The following PXDNL variants were observed in gnomAD, a reference collection of about 807,000 sequenced individuals.
PXDNL encodes peroxidasin like.
PXDNL carries 145 observed loss-of-function variants against 150.8 expected under a neutral mutation model. The observed-to-expected ratio is 0.96, with a 90% CI of 0.84 to 1.10. PXDNL has a LOEUF of 1.10. PXDNL is among the 50% of genes least tolerant of loss of function. The pLI, the probability that PXDNL is intolerant of heterozygous loss-of-function variation, is 0.00. For synonymous variants in PXDNL, 757 were observed against 725.7 expected (o/e 1.04, Z -0.69); for missense variants, 2,087 against 1,873.9 (o/e 1.11, Z -2.10).
chr8:51,606,519 C>G (rs767633764), intron 2 of PXDNL, among the ~76,000 whole-genome samples: 1 of 152,156 alleles, frequency 6.6e-6, no homozygotes, highest in African/African-American at 2.4e-5. Context: ...CTATAAAGTT[C>G]TTTAACCAAA....
At chr8:51,406,549 G>C (rs920251560) in intron 17 of PXDNL, among the ~76,000 whole-genome samples, 1 of 152,078 alleles carries the variant, frequency 6.6e-6, no homozygotes, top group African/African-American at 2.4e-5. Flanking sequence ...TTACCTCTTT[G>C]TTCTCTCCTC....
At chr8:51,533,524 C>T (rs868624697) in intron 4 of PXDNL, among the ~76,000 whole-genome samples, 1 of 139,006 alleles carries the variant, frequency 7.2e-6, no homozygotes, top group South Asian at 2.4e-4. Flanking sequence ...TCTCCCTCCA[C>T]GGTCTCCCTC....
intron 1 of PXDNL, among the ~76,000 whole-genome samples, chr8:51,757,969 A>C (rs550927322): frequency 3.8e-3 from 586 of 152,340 alleles, no homozygotes; most frequent in Middle Eastern, 6.8e-3. Context: ...TCTCATGAAA[A>C]TACCAATTAA....
chr8:51,363,281 A>G (rs984986055), intron 19 of PXDNL, among the ~76,000 whole-genome samples: 2 of 152,142 alleles, frequency 1.3e-5, no homozygotes, highest in African/African-American at 4.8e-5. Flanking sequence ...TAGGGAAGGT[A>G]CCTGGGGGAA....
chr8:51,464,710 G>A (rs978993371), intron 8 of PXDNL, among the ~76,000 whole-genome samples: 1 of 152,116 alleles, frequency 6.6e-6, no homozygotes, highest in Admixed American at 6.5e-5. Context: ...ACACACCAGG[G>A]CCTGTCGCGG....
intron 1 of PXDNL, among the ~76,000 whole-genome samples, chr8:51,727,481 G>A (rs1236571038): frequency 6.6e-6 from 1 of 152,132 alleles, no homozygotes; most frequent in Non-Finnish European, 1.5e-5. Flanking sequence ...ATTGTCTACT[G>A]TTGCAGGATC....
At position 51,346,189 on chromosome 8, in the gene PXDNL, A is replaced by C. The variant is rs986259277; in HGVS notation, c.3902-242T>G. On this transcript the variant is annotated intron_variant, in intron 19 of 22. Transcript: ENST00000356297. ...GCAAGTGGGATGCAAGGCAGTCTGC[A>C]GAACCTCTGGAGGAGCCCCAGGCAG... 3.3e-5 allele frequency among the ~76,000 whole-genome samples: 5 copies of C among 152,230 alleles called. No individual in the cohort carries two copies. In the South Asian group the frequency reaches 1.0e-3, roughly 32 times the overall value.
intron 1 of PXDNL, among the ~76,000 whole-genome samples, chr8:51,706,454 T>C (rs1232691068): frequency 6.6e-6 from 1 of 152,200 alleles, no homozygotes; most frequent in African/African-American, 2.4e-5. Context: ...GAACACCCAA[T>C]GCAAATTGGA....
intron 3 of PXDNL, among the ~76,000 whole-genome samples, chr8:51,582,148 T>C (rs544244862): frequency 4.6e-5 from 7 of 152,288 alleles, no homozygotes; most frequent in Admixed American, 3.3e-4. Context: ...TATTTGGAGA[T>C]AGGACTTTTA....
At chr8:51,396,555 C>T (rs987576021) in intron 17 of PXDNL, among the ~76,000 whole-genome samples, 7 of 152,218 alleles carry the variant, frequency 4.6e-5, no homozygotes, top group Non-Finnish European at 7.4e-5. Context: ...TCGGGAGTTC[C>T]AGACCAGCCT....
chr8:51,328,847 A>T (rs1473142700), intron 21 of PXDNL, among the ~76,000 whole-genome samples: 2 of 152,174 alleles, frequency 1.3e-5, no homozygotes, highest in African/African-American at 4.8e-5. Flanking sequence ...AGGGGAAGAT[A>T]TCCTTCATGA....
intron 2 of PXDNL, among the ~76,000 whole-genome samples, chr8:51,638,065 G>C (rs1232065711): frequency 5.3e-5 from 8 of 152,162 alleles, no homozygotes; most frequent in Non-Finnish European, 7.3e-5. Context: ...TTAAAGAAAA[G>C]AATTTTCAAC....
intron 8 of PXDNL, among the ~76,000 whole-genome samples, chr8:51,461,519 A>T (rs1379913721): frequency 6.6e-6 from 1 of 151,924 alleles, no homozygotes; most frequent in Admixed American, 6.5e-5. Flanking sequence ...TGGGCAAAAA[A>T]CCCAAGCCGT....
rs1467419370 is a variant in PXDNL at position 51,569,049 on chromosome 8, T to C, written c.309-12138A>G. ...GTCTTTGGCACATTAATATAGTTGT[T>C]TGAAATTCCTGAGTGAGCATTCCAA... is the stretch of plus-strand genomic sequence containing the variant. On this transcript the variant is annotated intron_variant, in intron 3 of 22. Coordinates refer to ENST00000356297, the MANE Select transcript of PXDNL (RefSeq NM_144651.5). Among the ~76,000 whole-genome samples the C allele has an allele frequency of 2.6e-5, 4 of 152,080 alleles. No homozygotes were observed. In the East Asian group the frequency reaches 7.8e-4, roughly 30 times the overall value.
chr8:51,377,961 C>T lies in PXDNL; in HGVS notation c.3558-3230G>A, dbSNP rs554585957. Among the ~76,000 whole-genome samples the T allele has an allele frequency of 6.5e-4, 99 of 152,370 alleles. 1 individual carries two copies. Among genetic ancestry groups the T allele is most frequent in the African/African-American group, 2.3e-3 (95 of 41,584 alleles). On this transcript the variant is annotated intron_variant, in intron 17 of 22. Transcript: ENST00000356297. Reference sequence around the variant, plus strand: ...CACCTGCAGCCCCGTGCGGTATCCACTGGGTGAAGCCAGCTGGGCTCCTGA... The same window carrying T: ...CACCTGCAGCCCCGTGCGGTATCCATTGGGTGAAGCCAGCTGGGCTCCTGA...
chr8:51,400,659 C>G (rs1808221237), intron 17 of PXDNL, among the ~76,000 whole-genome samples: 1 of 152,074 alleles, frequency 6.6e-6, no homozygotes, highest in African/African-American at 2.4e-5. Context: ...TGTGTGTCTT[C>G]TGTGTTGCAG....
At chr8:51,722,150 G>A (rs4873583) in intron 1 of PXDNL, 19,519 of 163,558 alleles carry the variant, frequency 0.12, 2,307 homozygotes, top group African/African-American at 0.31. Context: ...CCTGGTTCAT[G>A]ATTGTTGCTT....
At chr8:51,588,443 T>C (rs1813374153) in intron 3 of PXDNL, among the ~76,000 whole-genome samples, 1 of 152,230 alleles carries the variant, frequency 6.6e-6, no homozygotes, top group Non-Finnish European at 1.5e-5. Flanking sequence ...GACTCTTTTT[T>C]CACTTAATAA....
intron 19 of PXDNL, among the ~76,000 whole-genome samples, chr8:51,352,589 AC>A (rs1045627263): frequency 1.3e-5 from 2 of 152,074 alleles, no homozygotes; most frequent in Non-Finnish European, 2.9e-5. Context: ...TCCTCCCGCC[AC>A]CTTCTGAAGA....
Sources: gnomAD v4.1 joint callset for allele counts (sites outside exome capture counted in the v4.1 genomes callset) on GRCh38, gnomAD v4.1.1 for gene constraint, MANE v1.5 for transcripts, NCBI Gene and HGNC (gene_info 2026-07-23, HGNC 2026-07-21) for gene names.